The following IL1RAPL2 variants were observed in gnomAD, a reference collection of about 807,000 sequenced individuals.
IL1RAPL2 encodes the protein interleukin 1 receptor accessory protein like 2.
A neutral mutation model predicts 44.1 loss-of-function variants in IL1RAPL2; 3 were observed. That is an observed-to-expected ratio of 0.07 (90% CI 0.03 to 0.18). The LOEUF (loss-of-function observed/expected upper bound fraction) is 0.18. Among genes scored for constraint, IL1RAPL2 ranks in the 10% least tolerant of loss-of-function variants. IL1RAPL2 has a pLI of 1.00. For missense variants in IL1RAPL2, 391 were observed against 496.4 expected, an observed-to-expected ratio of 0.79 and a Z score of 2.02; for synonymous variants, 181 against 178.8, an observed-to-expected ratio of 1.01 and a Z score of -0.10.
At chrX:105,564,044 TTG>T (rs2036957692) in intron 6 of IL1RAPL2, among the ~76,000 whole-genome samples, 2 of 111,357 alleles carry the variant, frequency 1.8e-5, no homozygotes, top group African/African-American at 6.5e-5. Context: ...CACCAACAGA[TTG>T]TTTGGGTAGG....
intron 3 of IL1RAPL2, among the ~76,000 whole-genome samples, chrX:105,200,772 C>T (rs966157249): frequency 2.7e-5 from 3 of 110,675 alleles, no homozygotes; most frequent in African/African-American, 6.6e-5. Context: ...TTTCGCTGGG[C>T]GTGGTGGTGC....
At chrX:105,129,470 A>G (rs1339896853) in intron 2 of IL1RAPL2, among the ~76,000 whole-genome samples, 2 of 110,624 alleles carry the variant, frequency 1.8e-5, no homozygotes, top group South Asian at 3.8e-4. Flanking sequence ...CATTCAAACC[A>G]TAGCATATGG....
At chrX:105,663,784 C>G (rs758228084) in intron 6 of IL1RAPL2, among the ~76,000 whole-genome samples, 1 of 111,549 alleles carries the variant, frequency 9.0e-6, no homozygotes, top group African/African-American at 3.3e-5. Context: ...TTGTTATGTA[C>G]GATAGATTGA....
chrX:105,203,272 A>G (rs1319155507), intron 3 of IL1RAPL2, among the ~76,000 whole-genome samples: 1 of 111,460 alleles, frequency 9.0e-6, no homozygotes, highest in Non-Finnish European at 1.9e-5. Context: ...GAAATTTTCT[A>G]TTTCTACTGG....
In IL1RAPL2 at chrX:104,894,080, G is replaced by T. The variant is rs141909664; in HGVS notation, c.82+235085G>T. ...TGGCTGGATATGAAATTCTGGGTTG[G>T]AAATTCTTTTCTTAAGTATGTTGGA... On this transcript the variant is annotated intron_variant, in intron 2 of 10. Coordinates refer to ENST00000372582, the MANE Select transcript of IL1RAPL2 (RefSeq NM_017416.2). 1.1e-3 allele frequency among the ~76,000 whole-genome samples: 119 copies of T among 111,557 alleles called. No homozygotes were observed. In the Middle Eastern group the frequency reaches 0.014, roughly 13 times the overall value.
intron 2 of IL1RAPL2, among the ~76,000 whole-genome samples, chrX:105,131,531 ATT>A (rs924931766): frequency 3.9e-5 from 4 of 103,306 alleles, no homozygotes; most frequent in Admixed American, 2.1e-4. Context: ...ACCTGTAAAT[ATT>A]TTTTTTTTTT....
intron 6 of IL1RAPL2, among the ~76,000 whole-genome samples, chrX:105,700,217 T>C (rs1189630367): frequency 9.0e-6 from 1 of 111,487 alleles, no homozygotes; most frequent in Non-Finnish European, 1.9e-5. Context: ...CATCACTGCA[T>C]TCAGAGAAAA....
intron 2 of IL1RAPL2, among the ~76,000 whole-genome samples, chrX:105,004,577 C>T (rs1333920654): frequency 9.1e-6 from 1 of 110,448 alleles, no homozygotes; most frequent in Non-Finnish European, 1.9e-5. Context: ...TCTTACCTAT[C>T]TTTAACATTG....
At chrX:105,261,793 A>G (rs1387083159) in intron 4 of IL1RAPL2, among the ~76,000 whole-genome samples, 3 of 111,386 alleles carry the variant, frequency 2.7e-5, no homozygotes, top group Non-Finnish European at 5.6e-5. Flanking sequence ...ATGCCCTATT[A>G]TTAGACAGGA....
At chrX:105,745,418 A>G (rs1159605473) in intron 8 of IL1RAPL2, among the ~76,000 whole-genome samples, 1 of 112,064 alleles carries the variant, frequency 8.9e-6, no homozygotes, top group East Asian at 2.8e-4. Context: ...TTGGGCTGCT[A>G]TAACAAGATA....
chrX:105,596,511 T>C (rs1185795513), intron 6 of IL1RAPL2, among the ~76,000 whole-genome samples: 10 of 111,966 alleles, frequency 8.9e-5, no homozygotes, highest in African/African-American at 3.2e-4. Context: ...ACCACAGTGG[T>C]CAGAAAAGAT....
intron 2 of IL1RAPL2, among the ~76,000 whole-genome samples, chrX:104,678,318 C>G (rs1355326360): frequency 8.9e-6 from 1 of 112,007 alleles, no homozygotes; most frequent in Non-Finnish European, 1.9e-5. Context: ...TGGTGGTGAA[C>G]AGTTTTTAAA....
intron 5 of IL1RAPL2, among the ~76,000 whole-genome samples, chrX:105,390,901 G>GT (rs1644765962): frequency 9.0e-6 from 1 of 111,134 alleles, no homozygotes; most frequent in Admixed American, 9.6e-5. Context: ...AAAAATGGAA[G>GT]TTATAAAAAT....
At chrX:105,145,338 TC>T (rs1389291005) in intron 2 of IL1RAPL2, among the ~76,000 whole-genome samples, 1 of 111,575 alleles carries the variant, frequency 9.0e-6, no homozygotes, top group Admixed American at 9.5e-5. Flanking sequence ...TCAGACCACT[TC>T]CAATTAAGGC....
intron 1 of IL1RAPL2, among the ~76,000 whole-genome samples, chrX:104,590,131 G>T (rs1323775046): frequency 9.0e-6 from 1 of 111,445 alleles, no homozygotes; most frequent in Non-Finnish European, 1.9e-5. Flanking sequence ...TGCCACCTCT[G>T]CCTCCCGGGT....
At chrX:104,644,353 A>C (rs1266680639) in intron 1 of IL1RAPL2, among the ~76,000 whole-genome samples, 1 of 111,344 alleles carries the variant, frequency 9.0e-6, no homozygotes, top group Non-Finnish European at 1.9e-5. Context: ...TCAAACCTCC[A>C]ACTCTTCCTT....
At chrX:105,076,075 C>A (rs1279352036) in intron 2 of IL1RAPL2, among the ~76,000 whole-genome samples, 2 of 110,508 alleles carry the variant, frequency 1.8e-5, no homozygotes, top group African/African-American at 6.7e-5. Flanking sequence ...TATTTCTTGC[C>A]TTCTGCTAGC....
intron 2 of IL1RAPL2, among the ~76,000 whole-genome samples, chrX:104,761,845 T>TCTCCTTCTC (rs1356463728): frequency 7.4e-5 from 4 of 53,932 alleles, no homozygotes; most frequent in African/African-American, 1.4e-4. Context: ...TCCTTCTCCT[T>TCTCCTTCTC]CTTCTCCTTC....
intron 2 of IL1RAPL2, among the ~76,000 whole-genome samples, chrX:104,857,649 T>A (rs1291076609): frequency 1.8e-5 from 2 of 111,481 alleles, no homozygotes; most frequent in Non-Finnish European, 3.8e-5. Context: ...CAAGATGGAT[T>A]GCCTATGGAA....
Sources: gnomAD v4.1 joint callset for allele counts (sites outside exome capture counted in the v4.1 genomes callset) on GRCh38, gnomAD v4.1.1 for gene constraint, MANE v1.5 for transcripts, NCBI Gene and HGNC (gene_info 2026-07-23, HGNC 2026-07-21) for gene names.